RANBP2: variants seen among roughly 807,000 people sequenced by gnomAD.
The protein encoded by RANBP2 is E3 SUMO-protein ligase RanBP2.
A neutral mutation model predicts 303.6 loss-of-function variants in RANBP2; 57 were observed. The observed-to-expected ratio is 0.19, with a 90% CI of 0.15 to 0.23. RANBP2 has a LOEUF of 0.23. Ranked by LOEUF, RANBP2 falls within the 10% of genes least tolerant of loss-of-function variation. The probability of loss-of-function intolerance (pLI) is 1.00; values close to 1 mark genes in which losing one functional copy is unlikely to be tolerated. For missense variants in RANBP2, 3,138 were observed against 3,780.8 expected (o/e 0.83, Z 4.46); for synonymous variants, 1,167 against 1,301.5 (o/e 0.90, Z 2.23).
At chr2:108,972,479 C>T in the RANBP2 span, among the ~76,000 whole-genome samples, 26 of 152,206 alleles carry the variant, frequency 1.7e-4, 1 homozygote, top group Non-Finnish European at 2.9e-5. Flanking sequence ...CAATCCTGCC[C>T]GCTGTGGGAG....
the RANBP2 span, among the ~76,000 whole-genome samples, chr2:109,012,731 G>A: frequency 1.1e-4 from 16 of 152,128 alleles, no homozygotes; most frequent in Admixed American, 3.9e-4. Context: ...TGGCCAACAC[G>A]GTGAAACCCC....
the RANBP2 span, among the ~76,000 whole-genome samples, chr2:109,211,489 G>A: frequency 6.6e-6 from 1 of 152,270 alleles, no homozygotes; most frequent in East Asian, 1.9e-4. Context: ...GCGCAACTGC[G>A]GTGGAGGGGG....
chr2:108,904,067 T>A, the RANBP2 span, among the ~76,000 whole-genome samples: 1 of 152,022 alleles, frequency 6.6e-6, no homozygotes, highest in African/African-American at 2.4e-5. Flanking sequence ...CACATATCCA[T>A]CATAGGACTA....
the RANBP2 span, among the ~76,000 whole-genome samples, chr2:109,100,920 A>G: frequency 6.6e-6 from 1 of 152,240 alleles, no homozygotes; most frequent in African/African-American, 2.4e-5. Flanking sequence ...ATTTAAGTCA[A>G]TTGTGCAATG....
chr2:108,952,913 T>C, the RANBP2 span, among the ~76,000 whole-genome samples: 8 of 152,210 alleles, frequency 5.3e-5, 1 homozygote, highest in African/African-American at 1.9e-4. Context: ...TTAGGGTTGG[T>C]CTATTTATGT....
the RANBP2 span, chr2:109,129,958 A>C: frequency 7.0e-7 from 1 of 1,424,364 alleles, no homozygotes; most frequent in Admixed American, 2.9e-5. Context: ...CGCGCGTCCC[A>C]TCCCAGGCCA....
chr2:109,361,940 A>G, the RANBP2 span, among the ~76,000 whole-genome samples: 2 of 152,140 alleles, frequency 1.3e-5, no homozygotes, highest in Admixed American at 6.5e-5. Flanking sequence ...TATTCCTGAT[A>G]TTAGTACTTT....
At chr2:109,268,341 C>G in the RANBP2 span, among the ~76,000 whole-genome samples, 1 of 151,924 alleles carries the variant, frequency 6.6e-6, no homozygotes, top group Non-Finnish European at 1.5e-5. Context: ...AAGGACTGGA[C>G]ACAGAGTCCA....
chr2:109,123,592 C>G, the RANBP2 span, among the ~76,000 whole-genome samples: 1,338 of 152,342 alleles, frequency 8.8e-3, 22 homozygotes, highest in African/African-American at 0.031. Flanking sequence ...AAGTCCCCCA[C>G]TTTGGATGCA....
the RANBP2 span, among the ~76,000 whole-genome samples, chr2:109,081,949 G>C: frequency 6.6e-6 from 1 of 152,208 alleles, no homozygotes; most frequent in Non-Finnish European, 1.5e-5. Flanking sequence ...CTCCGTATTT[G>C]TCCTCCACAC....
chr2:109,429,159 G>A, the RANBP2 span, among the ~76,000 whole-genome samples: 26 of 152,286 alleles, frequency 1.7e-4, no homozygotes, highest in Middle Eastern at 6.8e-3. Context: ...GCTCTTCAGT[G>A]TGGTCCCTCC....
chr2:108,752,440 A>G (rs1398747296), intron 12 of RANBP2, among the ~76,000 whole-genome samples: 2 of 151,862 alleles, frequency 1.3e-5, no homozygotes, highest in African/African-American at 4.8e-5. Flanking sequence ...AGTAGTTTGG[A>G]TTGCTACGTT....
the RANBP2 span, among the ~76,000 whole-genome samples, chr2:109,081,766 G>T: frequency 1.3e-5 from 2 of 152,178 alleles, no homozygotes; most frequent in Non-Finnish European, 2.9e-5. Flanking sequence ...ACCTGCCGCC[G>T]CCAGGGAGCC....
chr2:108,814,277 G>T, the RANBP2 span, among the ~76,000 whole-genome samples: 2 of 152,110 alleles, frequency 1.3e-5, no homozygotes, highest in Non-Finnish European at 2.9e-5. Flanking sequence ...TCAACATTTG[G>T]TGTTTTCAGT....
chr2:109,148,547 G>T, the RANBP2 span, among the ~76,000 whole-genome samples: 2 of 152,220 alleles, frequency 1.3e-5, no homozygotes, highest in African/African-American at 4.8e-5. Context: ...TATTACTGCT[G>T]ACTGGTGCCA....
chr2:108,984,760 G>A, the RANBP2 span, among the ~76,000 whole-genome samples: 1 of 152,062 alleles, frequency 6.6e-6, no homozygotes, highest in Admixed American at 6.5e-5. Flanking sequence ...AGCTCTGTGA[G>A]TGCAGGGATG....
the RANBP2 span, among the ~76,000 whole-genome samples, chr2:109,278,512 A>AG: frequency 1.3e-5 from 2 of 152,234 alleles, no homozygotes; most frequent in African/African-American, 4.8e-5. Context: ...ATTCAGCAGA[A>AG]GGGACAGCCA....
the RANBP2 span, among the ~76,000 whole-genome samples, chr2:109,799,193 C>G: frequency 4.5e-5 from 4 of 89,838 alleles, no homozygotes; most frequent in Non-Finnish European, 6.1e-5. Context: ...GAGCTGAGAT[C>G]GAGCCACCGC....
the RANBP2 span, among the ~76,000 whole-genome samples, chr2:109,243,845 G>T: frequency 6.6e-6 from 1 of 152,218 alleles, no homozygotes; most frequent in Admixed American, 6.5e-5. Flanking sequence ...GACAATACGT[G>T]ATCTGGTTTG....
Sources: gnomAD v4.1 joint callset for allele counts (sites outside exome capture counted in the v4.1 genomes callset) on GRCh38, gnomAD v4.1.1 for gene constraint, MANE v1.5 for transcripts, NCBI Gene and HGNC (gene_info 2026-07-23, HGNC 2026-07-21) for gene names.